The following RFTN2 variants were observed in gnomAD, a reference collection of about 807,000 sequenced individuals.
RFTN2 encodes raftlin family member 2, also known as raftlin-2.
Under a neutral mutation model 52.7 loss-of-function variants are expected in RFTN2, and 34 were observed. The ratio of observed to expected loss-of-function variants is 0.64; its 90% CI spans 0.49 to 0.86. The LOEUF is 0.86. RFTN2 is among the 40% of genes least tolerant of loss of function. The pLI is 0.00. For missense variants in RFTN2, 536 were observed against 600.1 expected, an observed-to-expected ratio of 0.89 and a Z score of 1.12; for synonymous variants, 203 against 217.7, an observed-to-expected ratio of 0.93 and a Z score of 0.59.
intron 1 of RFTN2, among the ~76,000 whole-genome samples, chr2:197,657,393 C>T (rs923099682): frequency 6.6e-6 from 1 of 152,180 alleles, no homozygotes; most frequent in African/African-American, 2.4e-5. Flanking sequence ...AGTGTTCAGC[C>T]TTCTAGGATA....
chr2:197,642,559 CAA>C (rs2088689946), intron 3 of RFTN2, among the ~76,000 whole-genome samples: 2 of 152,116 alleles, frequency 1.3e-5, no homozygotes, highest in Non-Finnish European at 2.9e-5. Flanking sequence ...TTGTCTTTTT[CAA>C]AGTCTTCCAG....
rs1191198122 is a variant in RFTN2, at chr2:197,569,942, A to AG, written c.*2065_*2066insC. 6.6e-6 allele frequency: 1 copy of AG among 151,686 alleles called. No individual in the cohort carries two copies. The highest frequency in any genetic ancestry group is 1.9e-4 in the East Asian group (1 of 5,194). The allele number at this position is 151,686 out of a possible 1,614,324, so 9.4% of individuals were successfully genotyped here. A position where few individuals can be genotyped will look rare whatever the true frequency, so the allele number is the denominator to read the frequency against. On this transcript the variant is annotated 3_prime_UTR_variant, in exon 9 of 9. Transcript: ENST00000295049. ...GAGGCTCTGTCTCAAAAAAAAAAAA[A>AG]AAAAAAAAAAGTTATTGCTATATTT...
chr2:197,597,841 A>T (rs921825708), intron 7 of RFTN2, among the ~76,000 whole-genome samples: 4 of 152,070 alleles, frequency 2.6e-5, no homozygotes, highest in African/African-American at 9.7e-5. Context: ...TCTATCAGGG[A>T]CCTCAATAAG....
chr2:197,617,144 C>G (rs2088158292), intron 6 of RFTN2, among the ~76,000 whole-genome samples: 1 of 152,186 alleles, frequency 6.6e-6, no homozygotes, highest in Non-Finnish European at 1.5e-5. Flanking sequence ...AAAAAAACCT[C>G]AGTCACATTG....
At chr2:197,578,012 C>T (rs772450925) in intron 8 of RFTN2, among the ~76,000 whole-genome samples, 3 of 152,188 alleles carry the variant, frequency 2.0e-5, no homozygotes, top group East Asian at 1.9e-4. Flanking sequence ...CCACCGCGCC[C>T]AGCCAGAATG....
At chr2:197,654,617 A>G (rs1300310004) in intron 1 of RFTN2, among the ~76,000 whole-genome samples, 2 of 152,224 alleles carry the variant, frequency 1.3e-5, no homozygotes, top group East Asian at 1.9e-4. Context: ...CCACTGGGTT[A>G]GAAGTAGCAA....
intron 5 of RFTN2, among the ~76,000 whole-genome samples, chr2:197,618,991 CCGGG>C (rs1355314440): frequency 6.6e-5 from 10 of 151,520 alleles, no homozygotes; most frequent in Admixed American, 2.0e-4. Flanking sequence ...GCCGCCCCAT[CCGGG>C]AGGGAGGGAG....
At chr2:197,579,736 G>A (rs752449303) in intron 8 of RFTN2, among the ~76,000 whole-genome samples, 1 of 151,696 alleles carries the variant, frequency 6.6e-6, no homozygotes, top group South Asian at 2.1e-4. Context: ...CTCTTCTACC[G>A]ACCCATCTGA....
intron 7 of RFTN2, among the ~76,000 whole-genome samples, chr2:197,613,033 G>A (rs1017545463): frequency 1.3e-5 from 2 of 152,206 alleles, no homozygotes; most frequent in Non-Finnish European, 2.9e-5. Context: ...CTGGGTGTGA[G>A]AATATGTGTA....
rs550386603 is a variant in RFTN2, at chr2:197,664,095, A to G, written c.139+11225T>C. On this transcript the variant is annotated intron_variant, in intron 1 of 8. Transcript: ENST00000295049. ...TGCTGTTTAATTTTTATTTATTTGT[A>G]TAGTTTACAAAGTTCTTCTTGGTAT... is the stretch of plus-strand genomic sequence containing the variant. 1.3e-4 allele frequency among the ~76,000 whole-genome samples: 20 copies of G among 152,160 alleles called. No homozygotes were observed. In the South Asian group the frequency reaches 1.7e-3, roughly 13 times the overall value.
chr2:197,577,544 T>C (rs1229796627), intron 8 of RFTN2, among the ~76,000 whole-genome samples: 1 of 152,244 alleles, frequency 6.6e-6, no homozygotes, highest in Non-Finnish European at 1.5e-5. Flanking sequence ...TGGCACCTTC[T>C]TCCCTGCACT....
chr2:197,629,226 A>G (rs983513620), intron 5 of RFTN2, among the ~76,000 whole-genome samples: 1 of 152,224 alleles, frequency 6.6e-6, no homozygotes. Flanking sequence ...CTGGATTAAG[A>G]AAATGTGGCA....
intron 6 of RFTN2, among the ~76,000 whole-genome samples, chr2:197,616,274 A>ATTTATTT (rs879732758): frequency 8.6e-6 from 1 of 116,588 alleles, no homozygotes; most frequent in Non-Finnish European, 1.8e-5. Flanking sequence ...TCTGCATTTT[A>ATTTATTT]TTTTATTTTA....
chr2:197,630,748 A>G (rs1346062824), intron 5 of RFTN2, among the ~76,000 whole-genome samples: 3 of 152,216 alleles, frequency 2.0e-5, no homozygotes, highest in Non-Finnish European at 2.9e-5. Flanking sequence ...CTCCTAGTCA[A>G]TCACACAGTG....
chr2:197,618,845 C>T (rs1419606707), intron 5 of RFTN2, among the ~76,000 whole-genome samples: 2 of 151,552 alleles, frequency 1.3e-5, no homozygotes, highest in East Asian at 3.9e-4. Flanking sequence ...AGCCCCTCCG[C>T]CCGGCAGCCG....
chr2:197,585,364 C>T (rs975420134), intron 8 of RFTN2, among the ~76,000 whole-genome samples: 2 of 152,162 alleles, frequency 1.3e-5, no homozygotes, highest in East Asian at 1.9e-4. Context: ...CCCTTGTTTA[C>T]ACTGGTGGTT....
chr2:197,628,881 G>A (rs567747421), intron 5 of RFTN2, among the ~76,000 whole-genome samples: 3 of 152,258 alleles, frequency 2.0e-5, no homozygotes, highest in East Asian at 3.9e-4. Context: ...ACTAACTTCC[G>A]AAGATGACAC....
chr2:197,640,228 G>A (rs1274129037), intron 3 of RFTN2, among the ~76,000 whole-genome samples: 1 of 152,158 alleles, frequency 6.6e-6, no homozygotes, highest in Non-Finnish European at 1.5e-5. Flanking sequence ...GCCTACAGAG[G>A]CAGGCAGGCC....
At position 197,633,711 on chromosome 2, in the gene RFTN2, C is replaced by T. The variant is rs1201456352; in HGVS notation, c.718+7G>A. 2.5e-6 allele frequency: 4 copies of T among 1,610,922 alleles called. No homozygotes were observed. The highest frequency in any genetic ancestry group is 1.1e-5 in the South Asian group (1 of 90,848). On this transcript the variant is annotated splice_region_variant and intron_variant, in intron 4 of 8. Transcript: ENST00000295049. The stretch of plus-strand genomic sequence containing the variant: ...TATATTCTCTTTCTACTAATCTTGT[C>T]TATTACCTTCTCCCTTTCTTGATTT...
Sources: gnomAD v4.1 joint callset for allele counts (sites outside exome capture counted in the v4.1 genomes callset) on GRCh38, gnomAD v4.1.1 for gene constraint, MANE v1.5 for transcripts, NCBI Gene and HGNC (gene_info 2026-07-23, HGNC 2026-07-21) for gene names.